The following GPSM1 variants were observed in gnomAD, a reference collection of about 807,000 sequenced individuals.
The protein encoded by GPSM1 is G protein signaling modulator 1.
A neutral mutation model predicts 70.5 loss-of-function variants in GPSM1; 48 were observed. That is an observed-to-expected ratio of 0.68 (90% CI 0.54 to 0.87). The LOEUF is 0.87. Among genes scored for constraint, GPSM1 ranks in the 40% least tolerant of loss-of-function variants. GPSM1 has a pLI of 0.00. For synonymous variants in GPSM1, 416 were observed against 430.1 expected (o/e 0.97, Z 0.41); for missense variants, 981 against 972.6 (o/e 1.01, Z -0.11).
At position 136,345,125 on chromosome 9, in the gene GPSM1, A is replaced by C. The variant is rs369918076; in HGVS notation, c.1208-3572A>C. On this transcript the variant is annotated intron_variant, in intron 9 of 13. Coordinates refer to ENST00000440944, the MANE Select transcript of GPSM1 (RefSeq NM_001145638.3). ...AATCGGGGTTGCTGAGGTCTGAGCC[A>C]AGCCGGCGGGGCGGGTGCTGCCCTG... 2.3e-4 allele frequency among the ~76,000 whole-genome samples: 35 copies of C among 152,332 alleles called. No individual in the cohort carries two copies. In the East Asian group the frequency reaches 5.2e-3, roughly 23 times the overall value.
At chr9:136,355,885 T>C (rs1554773006) in intron 12 of GPSM1, 39 bp downstream of exon 12, 1 of 1,542,876 alleles carries the variant, frequency 6.5e-7, no homozygotes, top group African/African-American at 1.4e-5. Flanking sequence ...CTTGGGCTTG[T>C]CTGCAGGGGC....
chr9:136,338,049 T>A lies in GPSM1; in HGVS notation c.818+88T>A, dbSNP rs1258784051. 11 of 833,732 alleles carry A rather than the reference T, an allele frequency of 1.3e-5. No individual in the cohort carries two copies. The South Asian group carries it at 1.7e-4, about 13-fold the overall frequency. 51.6% of individuals were successfully genotyped at this position (833,732 alleles called of 1,614,324 possible). A position where few individuals can be genotyped will look rare whatever the true frequency, so the allele number is the denominator to read the frequency against. On this transcript the variant is annotated intron_variant, in intron 6 of 13. Transcript: ENST00000440944. The stretch of plus-strand genomic sequence containing the variant: ...GGAAGTGCCCGCCCCAAGCTGGGAA[T>A]CTGACTGCCTCCCCTCCCCTCCCCA...
chr9:136,336,835 G>T, intron 3 of GPSM1, 86 bp from the exon 4 acceptor site: 1 of 1,333,888 alleles, frequency 7.5e-7, no homozygotes, highest in Non-Finnish European at 1.0e-6. Flanking sequence ...TCGAGGGCTG[G>T]GACAGTGAGG....
intron 1 of GPSM1, 123 bp from the exon 2 acceptor site, chr9:136,334,324 G>A (rs928386381): frequency 3.0e-6 from 2 of 673,776 alleles, no homozygotes; most frequent in African/African-American, 1.8e-5. Context: ...AGGTCTGTGA[G>A]CACAGATGTG....
At chr9:136,330,891 C>T (rs1554768393) in intron 1 of GPSM1, among the ~76,000 whole-genome samples, 1 of 152,146 alleles carries the variant, frequency 6.6e-6, no homozygotes, top group Non-Finnish European at 1.5e-5. Flanking sequence ...CTAGGTCCTG[C>T]CCCGCCTTTG....
chr9:136,333,217 C>T (rs913940139), intron 1 of GPSM1, among the ~76,000 whole-genome samples: 12 of 152,158 alleles, frequency 7.9e-5, no homozygotes, highest in African/African-American at 2.9e-4. Context: ...TGTGGCTCTC[C>T]GGGGGCACCC....
In GPSM1 at chr9:136,355,850, A is replaced by C. The variant is rs1554772991; in HGVS notation, c.1612+4A>C. ...CCCACCCTGGAGGACAGGATCGGTG[A>C]GTGCCCCCCTCAGCCGGGCCCTCCC... is the stretch of plus-strand genomic sequence containing the variant. On this transcript the variant is annotated splice_donor_region_variant and intron_variant, in intron 12 of 13. Transcript: ENST00000440944. The C allele has an allele frequency of 6.2e-7, 1 of 1,601,184 alleles. No individual in the cohort carries two copies. Among genetic ancestry groups the C allele is most frequent in the Non-Finnish European group, 8.5e-7 (1 of 1,172,562 alleles).
At position 136,349,724 on chromosome 9, in the gene GPSM1, G is replaced by A. The variant is rs1554771776; in HGVS notation, c.1416G>A (p.Pro472=). The change falls in exon 11 of 14, where the codon CCG becomes CCA. Residue 472 remains proline, a synonymous_variant. Transcript: ENST00000440944. ...GGCCCCGGGAGGGCAGCCACTCCCC[G>A]CTGGACAGCGCCGACGTCCGGGTGC... ...ERRPREGSHS[P]LDSADVRVHV... 17 of 1,577,326 alleles carry A rather than the reference G, an allele frequency of 1.1e-5. 1 individual carries two copies. The highest frequency in any genetic ancestry group is 2.3e-5 in the South Asian group (2 of 86,064).
rs1330016635 is a variant in GPSM1, at chr9:136,355,755, C to T, written c.1521C>T (p.Ser507=). ...CFFDLLTKFQ[S]SRMDDQRCPL... ...TTGACCTGTTGACCAAGTTCCAGAG[C>T]AGCCGCATGGACGACCAGCGTTGTC... is the stretch of plus-strand genomic sequence containing the variant. Residue 507 remains serine, a synonymous_variant, in exon 12 of 14, where the codon AGC becomes AGT. Coordinates refer to ENST00000440944, the MANE Select transcript of GPSM1 (RefSeq NM_001145638.3). The T allele has an allele frequency of 6.2e-7, 1 of 1,612,290 alleles. No individual in the cohort carries two copies. Among genetic ancestry groups the T allele is most frequent in the Non-Finnish European group, 8.5e-7 (1 of 1,179,416 alleles).
intron 10 of GPSM1, 48 bp from the exon 11 acceptor site, chr9:136,349,539 C>T (rs1554771729): frequency 3.3e-6 from 5 of 1,499,224 alleles, no homozygotes; most frequent in Admixed American, 4.1e-5. Flanking sequence ...GGGATGGGGA[C>T]ATTGGTTCAC....
Position 136,338,712 on chromosome 9 carries a change from T to C in GPSM1, c.974+2T>C. 1 of 1,548,478 alleles carries C rather than the reference T, an allele frequency of 6.5e-7. No individual in the cohort carries two copies. Among genetic ancestry groups the C allele is most frequent in the Non-Finnish European group, 8.7e-7 (1 of 1,148,016 alleles). On this transcript the variant is annotated splice_donor_variant, in intron 7 of 13. Coordinates refer to ENST00000440944, the MANE Select transcript of GPSM1 (RefSeq NM_001145638.3). LOFTEE classifies it high-confidence loss of function. ...CATTGCCCAGGAGCTGGCCGACAGG[T>C]GCGTGGGCGCGGACGCGGCGGGCAG...
Position 136,349,674 on chromosome 9 carries a change from C to A in GPSM1, c.1366C>A (p.Gln456Lys). 1 of 1,554,738 alleles carries A rather than the reference C, an allele frequency of 6.4e-7. No individual in the cohort carries two copies. Among genetic ancestry groups the A allele is most frequent in the East Asian group, 2.4e-5 (1 of 41,642 alleles). Residue 456 changes from glutamine to lysine, a missense_variant, in exon 11 of 14, where the codon CAG (glutamine) becomes AAG (lysine). By Grantham distance (53) the Gln-to-Lys change is moderately conservative. Transcript: ENST00000440944. ...CCTCCCCGTGAGGAGCAGGAAGTACCAGGAAGGCCCGGACGCTGAGAGGAG... is the reference window on the plus strand; with the variant it reads ...CCTCCCCGTGAGGAGCAGGAAGTACAAGGAAGGCCCGGACGCTGAGAGGAG... ...LPLPVRSRKYQEGPDAERRPR... is the reference protein window; with the variant it reads ...LPLPVRSRKYKEGPDAERRPR...
At position 136,337,504 on chromosome 9, in the gene GPSM1, C is replaced by G; in HGVS notation, c.642C>G (p.Asn214Lys). ...CGGCGCAGGGCAGGGCCTACGGCAA[C>G]CTGGGCAACACCCACTATTTGTTGG... Reference protein sequence around the residue: ...DRAAQGRAYGNLGNTHYLLGN... With the variant: ...DRAAQGRAYGKLGNTHYLLGN... Residue 214 changes from asparagine to lysine, a missense_variant, in exon 5 of 14, where the codon AAC (asparagine) becomes AAG (lysine). Physicochemically the swap from Asn to Lys is moderately conservative, Grantham distance 94. Coordinates refer to ENST00000440944, the MANE Select transcript of GPSM1 (RefSeq NM_001145638.3). 1.9e-6 allele frequency: 3 copies of G among 1,562,856 alleles called. No homozygotes were observed. Among genetic ancestry groups the G allele is most frequent in the Non-Finnish European group, 2.6e-6 (3 of 1,153,524 alleles).
Position 136,343,885 on chromosome 9 carries a change from T to G in GPSM1, c.1207+2892T>G, listed in dbSNP as rs1832453865. Among the ~76,000 whole-genome samples the G allele has an allele frequency of 6.6e-6, 1 of 152,166 alleles. No individual in the cohort carries two copies. On this transcript the variant is annotated intron_variant, in intron 9 of 13. Transcript: ENST00000440944. The surrounding 1 kb of genome is among the most constrained non-coding windows in gnomAD (Gnocchi z 6.0). ...GGATGGAGGATGCACCCTCTGTCCG[T>G]GCGCCTAAGAGGGCCCAGAGGGGAC...
At chr9:136,333,975 C>T (rs1554768814) in intron 1 of GPSM1, among the ~76,000 whole-genome samples, 1 of 152,038 alleles carries the variant, frequency 6.6e-6, no homozygotes, top group Admixed American at 6.5e-5. Flanking sequence ...CCTTCACAAG[C>T]CCCCACTACC....
chr9:136,337,888 A>T lies in GPSM1; in HGVS notation c.745A>T (p.Arg249Trp). ...GGAGTTTGGAGACAAGGCAGCCGAG[A>T]GGAGGGCCTACAGCAACCTGGGGAA... ...AKEFGDKAAE[R>W]RAYSNLGNAH... is the part of the protein sequence containing the mutation. Residue 249 changes from arginine (R) to tryptophan (W), a missense_variant, in exon 6 of 14, where the codon AGG becomes TGG. By Grantham distance (101) the Arg-to-Trp change is moderately radical (BLOSUM62 -3). Coordinates refer to ENST00000440944, the MANE Select transcript of GPSM1 (RefSeq NM_001145638.3). 1.9e-6 allele frequency: 3 copies of T among 1,612,242 alleles called. No homozygotes were observed. The highest frequency in any genetic ancestry group is 2.5e-6 in the Non-Finnish European group (3 of 1,179,720).
rs943672246 is a variant in GPSM1 at position 136,342,824 on chromosome 9, G to A, written c.1207+1831G>A. Among the ~76,000 whole-genome samples the A allele has an allele frequency of 9.2e-5, 14 of 152,174 alleles. No individual in the cohort carries two copies. Among genetic ancestry groups the A allele is most frequent in the South Asian group, 4.1e-4 (2 of 4,822 alleles). Reference sequence around the variant, plus strand: ...GTGCGGAGGGGGCGCCAGGGCTGGGGGCACAGGAGGGCGCTGCCCAGCGGG... The same window carrying A: ...GTGCGGAGGGGGCGCCAGGGCTGGGAGCACAGGAGGGCGCTGCCCAGCGGG... On this transcript the variant is annotated intron_variant, in intron 9 of 13. Coordinates refer to ENST00000440944, the MANE Select transcript of GPSM1 (RefSeq NM_001145638.3). The surrounding 1 kb of genome is among the most constrained non-coding windows in gnomAD (Gnocchi z 5.5).
chr9:136,354,270 C>T (rs1832750668), intron 11 of GPSM1, among the ~76,000 whole-genome samples: 1 of 152,200 alleles, frequency 6.6e-6, no homozygotes, highest in Non-Finnish European at 1.5e-5. Flanking sequence ...ACACATGTCT[C>T]TAGGCCCCAC....
chr9:136,343,828 C>T lies in GPSM1; in HGVS notation c.1207+2835C>T, dbSNP rs28494828. ...GTGGCTGCAGCACCATCCGCCTGTT[C>T]CAGCAGCCCAGTGGCCCTTGGGCAG... On this transcript the variant is annotated intron_variant, in intron 9 of 13. Transcript: ENST00000440944. This position sits in a 1 kb window ranked among gnomAD's most constrained non-coding sequence, Gnocchi z 6.0. Among the ~76,000 whole-genome samples the T allele has an allele frequency of 0.014, 2,107 of 152,252 alleles. 55 individuals are homozygous for T. The highest frequency in any genetic ancestry group is 0.049 in the African/African-American group (2,017 of 41,548).
Sources: allele counts gnomAD v4.1 joint callset (sites outside exome capture counted in the v4.1 genomes callset), GRCh38; gene constraint gnomAD v4.1.1; non-coding constraint Gnocchi (gnomAD v3.1); transcripts MANE v1.5; gene names NCBI Gene and HGNC (gene_info 2026-07-23, HGNC 2026-07-21).